GABRA1: variants seen among roughly 807,000 people sequenced by gnomAD.
GABRA1 encodes the protein gamma-aminobutyric acid receptor subunit alpha-1.
In GABRA1, 9 loss-of-function variants were observed where a neutral mutation model predicts 48.9. The observed-to-expected ratio is 0.18, with a 90% CI of 0.11 to 0.32. The LOEUF is 0.32. Ranked by LOEUF, GABRA1 falls within the 10% of genes least tolerant of loss-of-function variation. The pLI, the probability that GABRA1 is intolerant of heterozygous loss-of-function variation, is 1.00. For synonymous variants in GABRA1, 210 were observed against 198.7 expected (o/e 1.06, Z -0.48); for missense variants, 285 against 553.8 (o/e 0.51, Z 4.87).
At chr5:161,876,044 A>T (rs549249392) in intron 6 of GABRA1, among the ~76,000 whole-genome samples, 1 of 152,266 alleles carries the variant, frequency 6.6e-6, no homozygotes, top group Non-Finnish European at 1.5e-5. Flanking sequence ...TTACCAGATT[A>T]AAGTGTTGGT....
intron 3 of GABRA1, among the ~76,000 whole-genome samples, chr5:161,861,461 A>G (rs887221766): frequency 6.6e-6 from 1 of 151,884 alleles, no homozygotes; most frequent in Non-Finnish European, 1.5e-5. Flanking sequence ...TAAGATAAAT[A>G]GCTCCTGCAA....
At chr5:161,893,779 AC>A (rs1755232928) in intron 8 of GABRA1, among the ~76,000 whole-genome samples, 2 of 152,266 alleles carry the variant, frequency 1.3e-5, no homozygotes, top group African/African-American at 4.8e-5. Context: ...AAATGAAAGT[AC>A]AAGGAAAGTA....
intron 7 of GABRA1, among the ~76,000 whole-genome samples, chr5:161,888,132 A>G (rs1379203723): frequency 6.6e-6 from 1 of 152,168 alleles, no homozygotes; most frequent in Non-Finnish European, 1.5e-5. Context: ...ATAAACTGCA[A>G]GAATATTTGA....
intron 8 of GABRA1, among the ~76,000 whole-genome samples, chr5:161,893,233 T>G (rs1755201159): frequency 6.6e-6 from 1 of 151,984 alleles, no homozygotes; most frequent in Non-Finnish European, 1.5e-5. Flanking sequence ...GCTCTTAACT[T>G]TTTCAGCAAT....
At chr5:161,893,810 A>G (rs535254479) in intron 8 of GABRA1, among the ~76,000 whole-genome samples, 31 of 152,322 alleles carry the variant, frequency 2.0e-4, no homozygotes, top group East Asian at 1.2e-3. Flanking sequence ...TGTTTTTTAA[A>G]AATTTAGCAA....
In GABRA1 at chr5:161,898,726, A is replaced by G. The variant is rs1241298016; in HGVS notation, c.*1304A>G. 1 of 152,594 alleles carries G rather than the reference A, an allele frequency of 6.6e-6. No homozygotes were observed. The allele number at this position is 152,594 out of a possible 1,614,324, so 9.5% of individuals were successfully genotyped here. ...TCCCTATTTTAGGCTATTATAATAT[A>G]GAAAGAAAATGGGAAGCATTAGTTG... On this transcript the variant is annotated 3_prime_UTR_variant, in exon 10 of 10. Transcript: ENST00000393943.
At chr5:161,864,817 GTAAAT>G in intron 3 of GABRA1, among the ~76,000 whole-genome samples, 1 of 20,882 alleles carries the variant, frequency 4.8e-5, no homozygotes, top group Non-Finnish European at 8.3e-5. Flanking sequence ...AATTTAAAAA[GTAAAT>G]AAAATAAAAT....
intron 3 of GABRA1, among the ~76,000 whole-genome samples, chr5:161,864,677 T>C (rs1458508633): frequency 1.3e-5 from 2 of 151,940 alleles, no homozygotes; most frequent in African/African-American, 2.4e-5. Context: ...GGGAAATATA[T>C]AGTGTACTTT....
At chr5:161,876,641 C>T (rs1439645936) in intron 6 of GABRA1, among the ~76,000 whole-genome samples, 1 of 152,082 alleles carries the variant, frequency 6.6e-6, no homozygotes, top group Non-Finnish European at 1.5e-5. Context: ...TACTGAAACT[C>T]GAAGATAAAC....
At chr5:161,882,470 GA>G (rs1428452536) in intron 6 of GABRA1, 87 bp from the exon 7 acceptor site, 2 of 1,269,652 alleles carry the variant, frequency 1.6e-6, no homozygotes, top group East Asian at 4.7e-5. Flanking sequence ...CCATGATATA[GA>G]AAATATGAAG....
At chr5:161,870,015 G>A (rs1292953338) in intron 4 of GABRA1, among the ~76,000 whole-genome samples, 1 of 152,118 alleles carries the variant, frequency 6.6e-6, no homozygotes, top group Non-Finnish European at 1.5e-5. Flanking sequence ...TAAAATGGGA[G>A]ACAGATAATA....
intron 7 of GABRA1, among the ~76,000 whole-genome samples, chr5:161,885,252 T>C (rs1053739924): frequency 3.3e-5 from 5 of 152,140 alleles, no homozygotes; most frequent in African/African-American, 9.7e-5. Context: ...TCCACCTTGA[T>C]AGATTTCAGT....
At chr5:161,895,912 C>A in intron 9 of GABRA1, 44 bp downstream of exon 9, 1 of 1,502,544 alleles carries the variant, frequency 6.7e-7, no homozygotes, top group Non-Finnish European at 9.3e-7. Flanking sequence ...TATTATGTCT[C>A]TTTAAACCTA....
intron 6 of GABRA1, among the ~76,000 whole-genome samples, chr5:161,875,930 C>T (rs1364504363): frequency 1.3e-5 from 2 of 152,120 alleles, no homozygotes; most frequent in Non-Finnish European, 1.5e-5. Flanking sequence ...AGTATGGATG[C>T]TTCTACCTCA....
At chr5:161,871,726 G>A (rs1039398397) in intron 4 of GABRA1, among the ~76,000 whole-genome samples, 6 of 152,066 alleles carry the variant, frequency 3.9e-5, no homozygotes, top group African/African-American at 1.4e-4. Context: ...CCTTTCATCT[G>A]ACACTTCCAG....
chr5:161,864,809 T>C (rs1418865128), intron 3 of GABRA1, among the ~76,000 whole-genome samples: 1 of 111,566 alleles, frequency 9.0e-6, no homozygotes, highest in Admixed American at 1.1e-4. Context: ...TTAAAAATAA[T>C]TTAAAAAGTA....
chr5:161,895,067 A>G (rs545525783), intron 8 of GABRA1, among the ~76,000 whole-genome samples: 1 of 152,188 alleles, frequency 6.6e-6, no homozygotes, highest in East Asian at 1.9e-4. Flanking sequence ...TATGTATATG[A>G]GACACACATG....
At chr5:161,865,237 T>G (rs1323704958) in intron 3 of GABRA1, among the ~76,000 whole-genome samples, 2 of 152,154 alleles carry the variant, frequency 1.3e-5, no homozygotes, top group African/African-American at 4.8e-5. Context: ...TCAGTTATGA[T>G]TTAGTGCAAG....
At chr5:161,851,039 A>G (rs960803125) in intron 2 of GABRA1, among the ~76,000 whole-genome samples, 155 bp downstream of exon 2, 2 of 152,250 alleles carry the variant, frequency 1.3e-5, no homozygotes, top group African/African-American at 4.8e-5. Context: ...GAGGAGCAGT[A>G]TGAAACAAAT....
Sources: gnomAD v4.1 joint callset for allele counts (sites outside exome capture counted in the v4.1 genomes callset) on GRCh38, gnomAD v4.1.1 for gene constraint, MANE v1.5 for transcripts, NCBI Gene and HGNC (gene_info 2026-07-23, HGNC 2026-07-21) for gene names.